The following DRC2 variants were observed in gnomAD, a reference collection of about 807,000 sequenced individuals.
DRC2 encodes the protein coiled-coil domain containing 65.
At chr12:48,913,983 G>C in the DRC2 span, among the ~76,000 whole-genome samples, 1 of 148,536 alleles carries the variant, frequency 6.7e-6, no homozygotes, top group Non-Finnish European at 1.5e-5. Context: ...AGGCTGGAGT[G>C]TAGTGGCATG....
the DRC2 span, among the ~76,000 whole-genome samples, chr12:48,907,189 T>G: frequency 1.3e-5 from 2 of 152,118 alleles, no homozygotes; most frequent in Non-Finnish European, 2.9e-5. Context: ...CACTCCAGCC[T>G]GGGTGACAGA....
chr12:48,919,668 C>A, the DRC2 span, among the ~76,000 whole-genome samples: 1 of 152,044 alleles, frequency 6.6e-6, no homozygotes, highest in Non-Finnish European at 1.5e-5. Context: ...CAGGTGCGCA[C>A]CACCACACCC....
the DRC2 span, among the ~76,000 whole-genome samples, chr12:48,909,579 G>A: frequency 6.6e-6 from 1 of 152,118 alleles, no homozygotes; most frequent in Non-Finnish European, 1.5e-5. Context: ...TCGGGTTCAA[G>A]TGATTCTGCT....
At chr12:48,917,075 G>C in the DRC2 span, 1 of 1,614,172 alleles carries the variant, frequency 6.2e-7, no homozygotes, top group Non-Finnish European at 8.5e-7. Context: ...GCAAGCTGGA[G>C]TTCCAGAGCA....
chr12:48,909,184 C>T, the DRC2 span, among the ~76,000 whole-genome samples: 1 of 151,872 alleles, frequency 6.6e-6, no homozygotes, highest in African/African-American at 2.4e-5. Flanking sequence ...GCTGGGATTA[C>T]AGGCATGTGC....
At chr12:48,911,393 CA>C in the DRC2 span, among the ~76,000 whole-genome samples, 68 of 151,676 alleles carry the variant, frequency 4.5e-4, 2 homozygotes, top group South Asian at 7.5e-3. Context: ...AACCTGTCTA[CA>C]AAAAAACTTA....
chr12:48,913,096 C>T, the DRC2 span, among the ~76,000 whole-genome samples: 5 of 132,146 alleles, frequency 3.8e-5, no homozygotes, highest in African/African-American at 1.5e-4. Flanking sequence ...GATCGCGCCA[C>T]TGCACTCCAG....
the DRC2 span, chr12:48,921,207 A>C: frequency 6.2e-7 from 1 of 1,614,158 alleles, no homozygotes; most frequent in Non-Finnish European, 8.5e-7. Flanking sequence ...TTTCTGGAAA[A>C]GGTACAACAA....
chr12:48,912,738 T>C, the DRC2 span, among the ~76,000 whole-genome samples: 1 of 152,328 alleles, frequency 6.6e-6, no homozygotes, highest in Admixed American at 6.5e-5. Context: ...GCTGTGATTT[T>C]CTTTGGAAAA....
At chr12:48,916,224 G>T in the DRC2 span, among the ~76,000 whole-genome samples, 20 of 152,052 alleles carry the variant, frequency 1.3e-4, no homozygotes, top group African/African-American at 3.9e-4. Context: ...CTGCAATCTC[G>T]GCACTTCGGG....
At chr12:48,917,148 T>C in the DRC2 span, 4 of 1,607,830 alleles carry the variant, frequency 2.5e-6, no homozygotes, top group Non-Finnish European at 3.4e-6. Flanking sequence ...TGGGAGGAGG[T>C]GATAGAAAAA....
At chr12:48,919,780 T>A in the DRC2 span, among the ~76,000 whole-genome samples, 1 of 152,066 alleles carries the variant, frequency 6.6e-6, no homozygotes, top group South Asian at 2.1e-4. Flanking sequence ...GCTTCTCAAG[T>A]GCTGGGATTA....
chr12:48,904,285 C>G, the DRC2 span: 1 of 1,580,038 alleles, frequency 6.3e-7, no homozygotes, highest in South Asian at 1.1e-5. Context: ...AGCTCTGTAA[C>G]GCGGGCCGAG....
the DRC2 span, among the ~76,000 whole-genome samples, chr12:48,908,032 C>T: frequency 6.6e-6 from 1 of 152,118 alleles, no homozygotes; most frequent in Middle Eastern, 3.2e-3. Context: ...TACACTCAAG[C>T]TCCTGGGCTC....
At chr12:48,909,929 C>T in the DRC2 span, among the ~76,000 whole-genome samples, 825 of 151,974 alleles carry the variant, frequency 5.4e-3, 16 homozygotes, top group African/African-American at 0.018. Flanking sequence ...TACAGGTGTG[C>T]GCCACCATGC....
chr12:48,914,600 A>T, the DRC2 span: 2 of 1,609,314 alleles, frequency 1.2e-6, no homozygotes, highest in Non-Finnish European at 1.7e-6. Flanking sequence ...GAAGATGGGG[A>T]ATTGAATCCA....
the DRC2 span, among the ~76,000 whole-genome samples, chr12:48,905,459 A>C: frequency 6.6e-6 from 1 of 152,196 alleles, no homozygotes; most frequent in Non-Finnish European, 1.5e-5. Flanking sequence ...CCAAGGTCAC[A>C]TAGCTAGTCA....
At chr12:48,921,345 C>T in the DRC2 span, 3 of 1,614,192 alleles carry the variant, frequency 1.9e-6, no homozygotes, top group Non-Finnish European at 2.5e-6. Flanking sequence ...GCTGAGCCAG[C>T]TCAACCCACT....
chr12:48,911,153 C>T, the DRC2 span, among the ~76,000 whole-genome samples: 1 of 152,174 alleles, frequency 6.6e-6, no homozygotes, highest in Non-Finnish European at 1.5e-5. Flanking sequence ...GATGTTGTAT[C>T]AAGAGGCACA....
Sources: allele counts gnomAD v4.1 joint callset (sites outside exome capture counted in the v4.1 genomes callset), GRCh38; gene constraint gnomAD v4.1.1; transcripts MANE v1.5; gene names NCBI Gene and HGNC (gene_info 2026-07-23, HGNC 2026-07-21).